The following FMNL2 variants were observed in gnomAD, a reference collection of about 807,000 sequenced individuals.
The protein encoded by FMNL2 is formin like 2.
A neutral mutation model predicts 130.2 loss-of-function variants in FMNL2; 51 were observed. The observed-to-expected ratio is 0.39, with a 90% CI of 0.31 to 0.49. FMNL2 has a LOEUF of 0.49. FMNL2 is among the 20% of genes least tolerant of loss of function. The probability of loss-of-function intolerance (pLI) is 0.85; values close to 1 mark genes in which losing one functional copy is unlikely to be tolerated. For missense variants in FMNL2, 977 were observed against 1,316.2 expected, an observed-to-expected ratio of 0.74 and a Z score of 3.99; for synonymous variants, 465 against 467.1, an observed-to-expected ratio of 1.00 and a Z score of 0.06.
intron 1 of FMNL2, among the ~76,000 whole-genome samples, chr2:152,359,342 A>T (rs184671662): frequency 2.0e-5 from 3 of 152,320 alleles, no homozygotes; most frequent in Admixed American, 6.5e-5. Flanking sequence ...AGTTTGAGCA[A>T]CTTGCCTAAA....
At chr2:152,560,065 T>G (rs780348510) in intron 5 of FMNL2, among the ~76,000 whole-genome samples, 15 of 152,238 alleles carry the variant, frequency 9.9e-5, no homozygotes, top group African/African-American at 1.4e-4. Flanking sequence ...TGCAGTATCC[T>G]CTAAGATTTT....
intron 9 of FMNL2, among the ~76,000 whole-genome samples, chr2:152,601,861 G>A (rs185133356): frequency 1.3e-5 from 2 of 151,238 alleles, no homozygotes; most frequent in Admixed American, 1.3e-4. Flanking sequence ...GTAGAAACGG[G>A]GTTTCACCCT....
chr2:152,353,804 A>T (rs936370833), intron 1 of FMNL2, among the ~76,000 whole-genome samples: 5 of 152,218 alleles, frequency 3.3e-5, no homozygotes, highest in African/African-American at 1.2e-4. Context: ...CACTGGCTTT[A>T]GGGTCCAAGC....
rs1692865512 is a variant in FMNL2, at chr2:152,517,918, T to G, written c.118-4025T>G. Among the ~76,000 whole-genome samples, 3 of 152,310 alleles carry G rather than the reference T, an allele frequency of 2.0e-5. No homozygotes were observed. The South Asian group carries it at 6.2e-4, about 32-fold the overall frequency. ...AAAGGAGAGCCCTATGTCACAGATG[T>G]CACTAAGAGTGGGTGAGGTAGAGTT... On this transcript the variant is annotated intron_variant, in intron 1 of 25. Transcript: ENST00000288670.
At chr2:152,631,067 C>G (rs563051741) in intron 20 of FMNL2, among the ~76,000 whole-genome samples, 3 of 151,978 alleles carry the variant, frequency 2.0e-5, no homozygotes, top group Admixed American at 2.0e-4. Context: ...ATAAATTAGG[C>G]ACAGTGAGAG....
intron 1 of FMNL2, among the ~76,000 whole-genome samples, chr2:152,400,403 T>C (rs183022146): frequency 1.6e-4 from 24 of 151,928 alleles, no homozygotes; most frequent in African/African-American, 4.3e-4. Flanking sequence ...GCCACTGCAC[T>C]CCAGGCCTGG....
At chr2:152,550,677 A>G (rs1480864119) in intron 4 of FMNL2, among the ~76,000 whole-genome samples, 1 of 152,216 alleles carries the variant, frequency 6.6e-6, no homozygotes. Context: ...TGAACATGGT[A>G]GTAGTTTAAT....
At position 152,647,467 on chromosome 2, in the gene FMNL2, AAAC is replaced by A; in HGVS notation, c.3170-326_3170-324del. 3.3e-5 allele frequency among the ~76,000 whole-genome samples: 5 copies of A among 152,324 alleles called. No individual in the cohort carries two copies. In the Middle Eastern group the frequency reaches 0.014, roughly 414 times the overall value. The stretch of plus-strand genomic sequence containing the variant: ...CATTCAGGCTTCCAGAATAAAAACA[AAAC>A]AAAAAAATTAAGCTACAGCTGCTTC... On this transcript the variant is annotated intron_variant, in intron 25 of 25. Transcript: ENST00000288670.
At chr2:152,467,326 A>G (rs1259409394) in intron 1 of FMNL2, among the ~76,000 whole-genome samples, 4 of 152,200 alleles carry the variant, frequency 2.6e-5, no homozygotes, top group African/African-American at 9.6e-5. Flanking sequence ...GGCAAACTGA[A>G]ATGAAACACA....
chr2:152,542,611 TGA>T lies in FMNL2; in HGVS notation c.202-127_202-126del, dbSNP rs879317736. Reference sequence around the variant, plus strand: ...AAGATGCAAAACAGTTAGTACAAAATGACTGCTCGCAGGGCCACATTTATACT... The same window carrying T: ...AAGATGCAAAACAGTTAGTACAAAATCTGCTCGCAGGGCCACATTTATACT... On this transcript the variant is annotated intron_variant, in intron 2 of 25. Transcript: ENST00000288670. 6,563 of 837,554 alleles carry T rather than the reference TGA, an allele frequency of 7.8e-3. 64 individuals are homozygous for T. The highest frequency in any genetic ancestry group is 0.01 in the Non-Finnish European group (5,123 of 508,620). The allele number at this position is 837,554 out of a possible 1,614,324, so 51.9% of individuals were successfully genotyped here. A position where few individuals can be genotyped will look rare whatever the true frequency, so the allele number is the denominator to read the frequency against.
chr2:152,355,688 A>C (rs1682741748), intron 1 of FMNL2, among the ~76,000 whole-genome samples: 1 of 152,074 alleles, frequency 6.6e-6, no homozygotes, highest in Non-Finnish European at 1.5e-5. Context: ...GTGCAAACAG[A>C]CCCTTGTCAT....
intron 4 of FMNL2, among the ~76,000 whole-genome samples, chr2:152,554,634 A>G (rs762787698): frequency 5.3e-5 from 8 of 152,242 alleles, no homozygotes; most frequent in Admixed American, 1.3e-4. Context: ...AGAAGCTGTC[A>G]AACTGACGGT....
chr2:152,389,729 C>T (rs1004055715), intron 1 of FMNL2, among the ~76,000 whole-genome samples: 3 of 152,210 alleles, frequency 2.0e-5, no homozygotes, highest in Admixed American at 1.3e-4. Context: ...CTGGCCATGG[C>T]TCAGCAGCAC....
At position 152,632,050 on chromosome 2, in the gene FMNL2, C is replaced by T; in HGVS notation, c.2593C>T (p.His865Tyr). The T allele has an allele frequency of 6.2e-7, 1 of 1,613,086 alleles. No individual in the cohort carries two copies. Among genetic ancestry groups the T allele is most frequent in the Non-Finnish European group, 8.5e-7 (1 of 1,179,496 alleles). ...KSTDRKQTLL[H>Y]YISNVVKEKY... ...AACAGACAGAAAGCAAACACTGTTG[C>T]ACTATATATCCAATGTGGTGAAAGA... is the stretch of plus-strand genomic sequence containing the variant. The change falls in exon 21 of 26, where the codon CAC becomes TAC. Residue 865 changes from histidine (H) to tyrosine (Y), a missense_variant. This residue lies in a region of FMNL2 where 689 missense variants were observed against 995.9 expected (regional missense o/e 0.69). Coordinates refer to ENST00000288670, the MANE Select transcript of FMNL2 (RefSeq NM_052905.4).
intron 6 of FMNL2, among the ~76,000 whole-genome samples, chr2:152,568,366 C>A (rs1199596574): frequency 6.6e-6 from 1 of 152,064 alleles, no homozygotes; most frequent in African/African-American, 2.4e-5. Context: ...CAAGCACTCA[C>A]CACCACACCC....
intron 1 of FMNL2, among the ~76,000 whole-genome samples, chr2:152,409,698 T>A (rs1013646688): frequency 5.9e-5 from 9 of 152,220 alleles, no homozygotes; most frequent in African/African-American, 2.2e-4. Flanking sequence ...TGATTAACGA[T>A]GAAGCTGATG....
intron 1 of FMNL2, among the ~76,000 whole-genome samples, chr2:152,520,312 G>T (rs950038948): frequency 6.6e-6 from 1 of 151,990 alleles, no homozygotes; most frequent in East Asian, 1.9e-4. Context: ...AAATATTTTA[G>T]GCCAGGCATG....
At chr2:152,460,593 G>T (rs1689183291) in intron 1 of FMNL2, among the ~76,000 whole-genome samples, 1 of 152,192 alleles carries the variant, frequency 6.6e-6, no homozygotes, top group Non-Finnish European at 1.5e-5. Context: ...GACCTGTTAG[G>T]AACCAGGCCG....
intron 7 of FMNL2, among the ~76,000 whole-genome samples, chr2:152,577,159 G>A (rs13028185): frequency 0.054 from 8,181 of 152,156 alleles, 340 homozygotes; most frequent in Middle Eastern, 0.095. Flanking sequence ...TAGGAGTGGA[G>A]ATGATGAGAG....
Sources: gnomAD v4.1 joint callset for allele counts (sites outside exome capture counted in the v4.1 genomes callset) on GRCh38, gnomAD v4.1.1 for gene constraint, gnomAD v4.1.1 regional missense constraint, MANE v1.5 for transcripts, NCBI Gene and HGNC (gene_info 2026-07-23, HGNC 2026-07-21) for gene names.